The following DCHS2 variants were observed in gnomAD, a reference collection of about 807,000 sequenced individuals.
The protein encoded by DCHS2 is protocadherin-23.
A neutral mutation model predicts 182.4 loss-of-function variants in DCHS2; 142 were observed. The observed-to-expected ratio is 0.78, with a 90% CI of 0.68 to 0.89. DCHS2 has a LOEUF of 0.89. Among genes scored for constraint, DCHS2 ranks in the 40% least tolerant of loss-of-function variants. The pLI is 0.00. For missense variants in DCHS2, 4,319 were observed against 4,198.6 expected, an observed-to-expected ratio of 1.03 and a Z score of -0.79; for synonymous variants, 1,740 against 1,663.3, an observed-to-expected ratio of 1.05 and a Z score of -1.12.
At chr4:154,279,142 G>A (rs1443632130) in intron 13 of DCHS2, among the ~76,000 whole-genome samples, 1 of 152,064 alleles carries the variant, frequency 6.6e-6, no homozygotes, top group Non-Finnish European at 1.5e-5. Flanking sequence ...TCTTTTGTAT[G>A]TAATTGAGCT....
rs763639287 is a variant in DCHS2, at chr4:154,377,299, TC to T, written c.2197del (p.Glu733LysfsTer19). ...GAGATCATAGGTAGCTGGATCCCTT[TC>T]CCTGTCGATATCTTGAGAAACACAG... ...QICVSQDIDR[E>X]RDPATYDLLV... On this transcript the variant is annotated frameshift_variant, in exon 2 of 20. Coordinates refer to ENST00000357232, the MANE Select transcript of DCHS2 (RefSeq NM_001358235.2). LOFTEE classifies it high-confidence loss of function. The T allele has an allele frequency of 3.3e-5, 54 of 1,613,556 alleles. No homozygotes were observed. Among genetic ancestry groups the T allele is most frequent in the Non-Finnish European group, 4.6e-5 (54 of 1,179,720 alleles).
rs770896549 is a variant in DCHS2, at chr4:154,490,216, C to T, written c.1140G>A (p.Gln380=). ...PLDREAQAWH[Q]LVVEARDGGA... ...CTCCATCGCGGGCCTCCACCACCAA[C>T]TGGTGCCAGGCCTGTGCCTCGCGGT... Residue 380 remains glutamine, a synonymous_variant, in exon 1 of 20, where the codon CAG becomes CAA. Transcript: ENST00000357232. 229 of 1,549,556 alleles carry T rather than the reference C, an allele frequency of 1.5e-4. No individual in the cohort carries two copies. The highest frequency in any genetic ancestry group is 1.8e-4 in the Non-Finnish European group (209 of 1,146,792).
intron 10 of DCHS2, among the ~76,000 whole-genome samples, chr4:154,309,668 G>A (rs1289261239): frequency 3.3e-5 from 5 of 152,152 alleles, no homozygotes; most frequent in East Asian, 1.9e-4. Context: ...AGGTAACAGG[G>A]ACTCTGAGAT....
intron 15 of DCHS2, among the ~76,000 whole-genome samples, chr4:154,258,756 T>C (rs1026977562): frequency 6.6e-5 from 10 of 152,096 alleles, no homozygotes; most frequent in African/African-American, 2.2e-4. Flanking sequence ...GCATGCCATG[T>C]AAACGCCTTA....
chr4:154,292,512 T>C lies in DCHS2; in HGVS notation c.6463+5339A>G, dbSNP rs576631312. Among the ~76,000 whole-genome samples the C allele has an allele frequency of 1.4e-4, 21 of 152,346 alleles. No individual in the cohort carries two copies. In the South Asian group the frequency reaches 4.4e-3, roughly 32 times the overall value. ...ACTCCAGAATTCACATTAGAAAGCC[T>C]GGGCTGCTGGTATCTATTCTTGGCC... On this transcript the variant is annotated intron_variant, in intron 13 of 19. Coordinates refer to ENST00000357232, the MANE Select transcript of DCHS2 (RefSeq NM_001358235.2).
intron 1 of DCHS2, among the ~76,000 whole-genome samples, chr4:154,379,333 C>A (rs1731065517): frequency 6.6e-6 from 1 of 152,156 alleles, no homozygotes; most frequent in South Asian, 2.1e-4. Flanking sequence ...TTCCACTGGG[C>A]AGAACCAGTT....
intron 1 of DCHS2, among the ~76,000 whole-genome samples, chr4:154,483,769 A>AC (rs1553957620): frequency 6.6e-6 from 1 of 152,160 alleles, no homozygotes; most frequent in Non-Finnish European, 1.5e-5. Context: ...GAATACAAGC[A>AC]CATAGCATTA....
At chr4:154,460,743 A>T (rs1484778625) in intron 1 of DCHS2, among the ~76,000 whole-genome samples, 1 of 152,216 alleles carries the variant, frequency 6.6e-6, no homozygotes, top group Admixed American at 6.5e-5. Flanking sequence ...TATAGTAAGA[A>T]GTCAATAAAT....
In DCHS2 at chr4:154,234,530, G is replaced by C; in HGVS notation, c.*6C>G. On this transcript the variant is annotated 3_prime_UTR_variant, in exon 20 of 20. Coordinates refer to ENST00000357232, the MANE Select transcript of DCHS2 (RefSeq NM_001358235.2). ...TGGTGAGCAGGTACTTGGCATCCCA[G>C]TGGTTTCATATTTGAACTTCATCTT... 2 of 1,598,182 alleles carry C rather than the reference G, an allele frequency of 1.3e-6. No individual in the cohort carries two copies. Among genetic ancestry groups the C allele is most frequent in the Non-Finnish European group, 1.7e-6 (2 of 1,170,732 alleles).
At chr4:154,486,566 GT>G in intron 1 of DCHS2, 1 of 1,297,890 alleles carries the variant, frequency 7.7e-7, no homozygotes, top group Non-Finnish European at 1.0e-6. Context: ...AGAAGGTACA[GT>G]TACAAGGAAT....
In DCHS2 at chr4:154,235,932, G is replaced by T. The variant is rs1351905957; in HGVS notation, c.8720C>A (p.Ala2907Glu). Residue 2907 changes from alanine (A) to glutamate (E), a missense_variant, in exon 20 of 20, where the codon GCA (alanine) becomes GAA (glutamate). By Grantham distance (107) the Ala-to-Glu change is moderately radical. Transcript: ENST00000357232. ...QLIGRVEASDADAGIDGVILY... is the reference protein window; with the variant it reads ...QLIGRVEASDEDAGIDGVILY... ...AATGACTCCATCAATACCAGCATCT[G>T]CATCTGAGGCTTCCACTCTGCCAAT... The T allele has an allele frequency of 1.2e-6, 2 of 1,614,034 alleles. No individual in the cohort carries two copies. Among genetic ancestry groups the T allele is most frequent in the South Asian group, 2.2e-5 (2 of 91,080 alleles).
intron 1 of DCHS2, among the ~76,000 whole-genome samples, chr4:154,445,457 G>A (rs1346337750): frequency 6.6e-6 from 1 of 152,048 alleles, no homozygotes; most frequent in Admixed American, 6.6e-5. Context: ...GCTCCTCCAA[G>A]CACCTCCTAG....
intron 1 of DCHS2, among the ~76,000 whole-genome samples, chr4:154,439,381 C>T (rs10014536): frequency 0.46 from 69,836 of 151,936 alleles, 16,553 homozygotes; most frequent in Middle Eastern, 0.69. Flanking sequence ...TTTCCCATAC[C>T]GTTTATATTT....
intron 15 of DCHS2, among the ~76,000 whole-genome samples, chr4:154,258,367 C>CTTTTT (rs771510956): frequency 0.015 from 906 of 58,858 alleles, 19 homozygotes; most frequent in African/African-American, 0.017. Flanking sequence ...AAAAGAAAGG[C>CTTTTT]TTTTTTTTTT....
intron 12 of DCHS2, among the ~76,000 whole-genome samples, chr4:154,303,566 G>T (rs760515957): frequency 2.0e-5 from 3 of 151,786 alleles, no homozygotes; most frequent in Non-Finnish European, 4.4e-5. Flanking sequence ...AGGTAGAAAG[G>T]GGGTGAGGCT....
At chr4:154,340,662 G>A (rs72723346) in intron 3 of DCHS2, among the ~76,000 whole-genome samples, 2,189 of 152,190 alleles carry the variant, frequency 0.014, 27 homozygotes, top group Non-Finnish European at 0.023. Flanking sequence ...TAAGTTTACT[G>A]TCTTAACAAA....
chr4:154,445,929 T>A (rs1048554923), intron 1 of DCHS2, among the ~76,000 whole-genome samples: 1 of 152,094 alleles, frequency 6.6e-6, no homozygotes, highest in African/African-American at 2.4e-5. Context: ...AGAATGCATT[T>A]GTCTACCCCT....
At chr4:154,455,841 GA>G (rs1452464407) in intron 1 of DCHS2, among the ~76,000 whole-genome samples, 1 of 152,168 alleles carries the variant, frequency 6.6e-6, no homozygotes. Context: ...TGTAATCTTA[GA>G]ACTTTGGGAG....
chr4:154,454,128 TGC>T (rs999763686), intron 1 of DCHS2, among the ~76,000 whole-genome samples: 14 of 76,176 alleles, frequency 1.8e-4, no homozygotes, highest in East Asian at 5.7e-4. Flanking sequence ...TATACACACA[TGC>T]GCGCGCACAC....
Sources: gnomAD v4.1 joint callset for allele counts (sites outside exome capture counted in the v4.1 genomes callset) on GRCh38, gnomAD v4.1.1 for gene constraint, MANE v1.5 for transcripts, NCBI Gene and HGNC (gene_info 2026-07-23, HGNC 2026-07-21) for gene names.